Variants in GABRB2 observed in about 807,000 individuals in gnomAD.
GABRB2 encodes gamma-aminobutyric acid receptor subunit beta-2.
Under a neutral mutation model 54.7 loss-of-function variants are expected in GABRB2, and 16 were observed. That is an observed-to-expected ratio of 0.29 (90% confidence interval 0.20 to 0.44). GABRB2 has a LOEUF of 0.44. Ranked by LOEUF, GABRB2 falls within the 20% of genes least tolerant of loss-of-function variation. The pLI is 1.00. For synonymous variants in GABRB2, 244 were observed against 233.8 expected, an observed-to-expected ratio of 1.04 and a Z score of -0.40; for missense variants, 355 against 644.0, an observed-to-expected ratio of 0.55 and a Z score of 4.86.
At chr5:161,308,113 G>A (rs765477390) in intron 9 of GABRB2, among the ~76,000 whole-genome samples, 10 of 152,052 alleles carry the variant, frequency 6.6e-5, no homozygotes, top group Admixed American at 3.3e-4. Context: ...TGCCCGCCTC[G>A]GCCTCACAAA....
chr5:161,407,836 C>G (rs947398087), intron 5 of GABRB2, among the ~76,000 whole-genome samples: 4 of 151,978 alleles, frequency 2.6e-5, no homozygotes, highest in African/African-American at 4.8e-5. Context: ...TCAATTTTAG[C>G]AGTTAAGTTT....
chr5:161,484,742 C>T lies in GABRB2; in HGVS notation c.238-24898G>A, dbSNP rs1008564243. ...TCACAGCCTCCACTGTATTTAGGCC[C>T]CCATCATGTCTCACCTGGATTATTA... On this transcript the variant is annotated intron_variant, in intron 3 of 9. Coordinates refer to ENST00000393959, the MANE Select transcript of GABRB2 (RefSeq NM_001371727.1). 5.3e-5 allele frequency among the ~76,000 whole-genome samples: 8 copies of T among 151,888 alleles called. 1 individual carries two copies. Among genetic ancestry groups the T allele is most frequent in the African/African-American group, 1.9e-4 (8 of 41,368 alleles).
chr5:161,495,601 A>G (rs1759215580), intron 3 of GABRB2, among the ~76,000 whole-genome samples: 1 of 152,072 alleles, frequency 6.6e-6, no homozygotes, highest in South Asian at 2.1e-4. Context: ...AGTGTATTCT[A>G]TACTCCAGAA....
At chr5:161,377,775 A>G (rs1422133963) in intron 5 of GABRB2, among the ~76,000 whole-genome samples, 1 of 152,074 alleles carries the variant, frequency 6.6e-6, no homozygotes, top group Non-Finnish European at 1.5e-5. Context: ...CCCCTTAAAA[A>G]TAGCCCTTTA....
rs1303320724 is a variant in GABRB2, at chr5:161,463,560, T to TATAA, written c.238-3717_238-3716insTTAT. Among the ~76,000 whole-genome samples the TATAA allele has an allele frequency of 1.5e-4, 9 of 59,404 alleles. 1 individual carries two copies. The East Asian group carries it at 2.8e-3, about 18-fold the overall frequency. The allele number at this position is 59,404 out of a possible 152,430, so 39.0% of individuals were successfully genotyped here. ...GTGATTCCAAATATTTTTATTTATA[T>TATAA]ATATATATATATATATATATATATA... On this transcript the variant is annotated intron_variant, in intron 3 of 9. Transcript: ENST00000393959.
intron 5 of GABRB2, among the ~76,000 whole-genome samples, chr5:161,392,513 G>T (rs955663385): frequency 6.6e-6 from 1 of 152,142 alleles, no homozygotes; most frequent in Non-Finnish European, 1.5e-5. Flanking sequence ...TGCAAGAGAG[G>T]TTGTTAACAG....
chr5:161,515,984 A>G (rs780528808), intron 3 of GABRB2, among the ~76,000 whole-genome samples: 1 of 152,306 alleles, frequency 6.6e-6, no homozygotes, highest in East Asian at 1.9e-4. Flanking sequence ...CTGCTGCTTC[A>G]TGGAGGTTTG....
At chr5:161,334,118 AG>A (rs1271631812) in intron 7 of GABRB2, among the ~76,000 whole-genome samples, 1 of 152,218 alleles carries the variant, frequency 6.6e-6, no homozygotes, top group Non-Finnish European at 1.5e-5. Context: ...AACATTTTAA[AG>A]GGAATAGTCA....
At chr5:161,517,780 G>T (rs1759991444) in intron 3 of GABRB2, among the ~76,000 whole-genome samples, 1 of 151,248 alleles carries the variant, frequency 6.6e-6, no homozygotes, top group South Asian at 2.1e-4. Context: ...AAGGAAGGAA[G>T]TGCAACTGAA....
intron 3 of GABRB2, among the ~76,000 whole-genome samples, chr5:161,474,853 C>A (rs1468289911): frequency 6.6e-6 from 1 of 151,902 alleles, no homozygotes; most frequent in African/African-American, 2.4e-5. Context: ...CCCCAAAATC[C>A]TTTTCGATCA....
chr5:161,455,348 G>C (rs1022105736), intron 4 of GABRB2, among the ~76,000 whole-genome samples: 1 of 152,138 alleles, frequency 6.6e-6, no homozygotes, highest in Non-Finnish European at 1.5e-5. Flanking sequence ...CATCCTCTGA[G>C]ATGAGATGAC....
intron 5 of GABRB2, among the ~76,000 whole-genome samples, chr5:161,381,308 A>G (rs1197360485): frequency 6.6e-6 from 1 of 152,194 alleles, no homozygotes; most frequent in Non-Finnish European, 1.5e-5. Context: ...TCAGATATTC[A>G]GTGAATGGAA....
At chr5:161,351,399 T>C (rs1309748166) in intron 5 of GABRB2, among the ~76,000 whole-genome samples, 6 of 151,996 alleles carry the variant, frequency 3.9e-5, no homozygotes, top group Non-Finnish European at 4.4e-5. Flanking sequence ...AATCCACATA[T>C]TTATAGTCAA....
intron 5 of GABRB2, among the ~76,000 whole-genome samples, chr5:161,364,010 G>A (rs1754903773): frequency 6.6e-6 from 1 of 152,204 alleles, no homozygotes; most frequent in South Asian, 2.1e-4. Flanking sequence ...TTTATCCAGG[G>A]TGCTGAAGTG....
chr5:161,544,960 G>C (rs1304656459), intron 3 of GABRB2, among the ~76,000 whole-genome samples: 1 of 152,020 alleles, frequency 6.6e-6, no homozygotes, highest in Non-Finnish European at 1.5e-5. Context: ...TTCTGTAGGG[G>C]GTCTCCTGCA....
chr5:161,364,635 T>C (rs1036161653), intron 5 of GABRB2, among the ~76,000 whole-genome samples: 5 of 152,174 alleles, frequency 3.3e-5, no homozygotes, highest in Non-Finnish European at 7.4e-5. Flanking sequence ...TGTACGCCCA[T>C]AGCATACCTT....
intron 9 of GABRB2, among the ~76,000 whole-genome samples, chr5:161,310,936 A>AT (rs1256402825): frequency 6.6e-6 from 1 of 151,878 alleles, no homozygotes; most frequent in African/African-American, 2.4e-5. Context: ...AATTTTTTGT[A>AT]TTTTTAGTAG....
intron 5 of GABRB2, among the ~76,000 whole-genome samples, chr5:161,358,009 A>G (rs1001474025): frequency 6.6e-6 from 1 of 152,208 alleles, no homozygotes; most frequent in Non-Finnish European, 1.5e-5. Flanking sequence ...ATGATATTTA[A>G]AGCCATGCAA....
intron 4 of GABRB2, among the ~76,000 whole-genome samples, chr5:161,415,103 C>T (rs78379413): frequency 0.022 from 3,359 of 152,266 alleles, 57 homozygotes; most frequent in Non-Finnish European, 0.034. Context: ...TAACTCAACG[C>T]CACTACTAGG....
Sources: gnomAD v4.1 joint callset for allele counts (sites outside exome capture counted in the v4.1 genomes callset) on GRCh38, gnomAD v4.1.1 for gene constraint, MANE v1.5 for transcripts, NCBI Gene and HGNC (gene_info 2026-07-23, HGNC 2026-07-21) for gene names.